LRP12: variants seen among roughly 807,000 people sequenced by gnomAD.
LRP12 encodes LDL receptor related protein 12.
LRP12 carries 14 observed loss-of-function variants against 66.0 expected under a neutral mutation model. The observed-to-expected ratio is 0.21, with a 90% confidence interval of 0.14 to 0.33. The LOEUF is 0.33. Among genes scored for constraint, LRP12 ranks in the 10% least tolerant of loss-of-function variants. LRP12 has a pLI of 1.00. For synonymous variants in LRP12, 357 were observed against 359.1 expected, an observed-to-expected ratio of 0.99 and a Z score of 0.07; for missense variants, 889 against 1,053.4, an observed-to-expected ratio of 0.84 and a Z score of 2.16.
chr8:104,515,940 G>T (rs1205728619), intron 2 of LRP12, among the ~76,000 whole-genome samples: 1 of 151,930 alleles, frequency 6.6e-6, no homozygotes, highest in African/African-American at 2.4e-5. Context: ...TTTTTATAAA[G>T]ATGGGGTCTC....
At chr8:104,536,732 G>A (rs1811397308) in intron 1 of LRP12, among the ~76,000 whole-genome samples, 1 of 151,872 alleles carries the variant, frequency 6.6e-6, no homozygotes, top group Non-Finnish European at 1.5e-5. Context: ...ATTAGACAGT[G>A]CGATTAGACA....
chr8:104,558,552 A>G (rs984282922), intron 1 of LRP12, among the ~76,000 whole-genome samples: 3 of 152,194 alleles, frequency 2.0e-5, no homozygotes, highest in African/African-American at 4.8e-5. Flanking sequence ...TTAGGCAAAG[A>G]CTTCATGGCA....
rs544585498 is a variant in LRP12, at chr8:104,495,130, C to A, written c.1660G>T (p.Ala554Ser). The A allele has an allele frequency of 4.0e-5, 64 of 1,613,824 alleles. No homozygotes were observed. The Middle Eastern group carries it at 1.5e-3, about 37-fold the overall frequency. Residue 554 changes from alanine (A) to serine (S), a missense_variant, in exon 6 of 7, where the codon GCT becomes TCT. Physicochemically the swap from Ala to Ser is moderately conservative, Grantham distance 99. Coordinates refer to ENST00000276654, the MANE Select transcript of LRP12 (RefSeq NM_013437.5). ...TCAACTGGTGGAATTAAACCCTGAG[C>A]AATCAATTGTCCATACGAGGGAGGA... ...EAPPSYGQLIAQGLIPPVEDF... is the reference protein window; with the variant it reads ...EAPPSYGQLISQGLIPPVEDF...
chr8:104,545,093 G>A (rs1811534793), intron 1 of LRP12, among the ~76,000 whole-genome samples: 1 of 152,172 alleles, frequency 6.6e-6, no homozygotes, highest in Non-Finnish European at 1.5e-5. Context: ...CCTCATGTAT[G>A]ACCTCTGAGG....
intron 1 of LRP12, among the ~76,000 whole-genome samples, chr8:104,578,554 T>C (rs1370539110): frequency 6.6e-6 from 1 of 152,136 alleles, no homozygotes; most frequent in African/African-American, 2.4e-5. Flanking sequence ...AGCATCATCC[T>C]GATACCAAAA....
intron 1 of LRP12, among the ~76,000 whole-genome samples, chr8:104,566,727 TAG>T (rs1236976200): frequency 6.6e-6 from 1 of 152,164 alleles, no homozygotes; most frequent in Non-Finnish European, 1.5e-5. Context: ...AATCAAAAAG[TAG>T]AGTTTCCTTA....
intron 2 of LRP12, among the ~76,000 whole-genome samples, chr8:104,517,196 A>AGAT (rs1811082403): frequency 6.7e-6 from 1 of 150,312 alleles, no homozygotes; most frequent in Non-Finnish European, 1.5e-5. Flanking sequence ...ACAGCATACC[A>AGAT]GATAATACAG....
intron 1 of LRP12, among the ~76,000 whole-genome samples, chr8:104,537,268 C>G (rs191876154): frequency 6.6e-6 from 1 of 152,044 alleles, no homozygotes; most frequent in East Asian, 1.9e-4. Context: ...TAGAGGGGCT[C>G]AGGCAACAGA....
chr8:104,546,310 C>A (rs1280832447), intron 1 of LRP12, among the ~76,000 whole-genome samples: 1 of 152,012 alleles, frequency 6.6e-6, no homozygotes, highest in African/African-American at 2.4e-5. Context: ...TAAGTGCGAA[C>A]AAATATGTCC....
intron 1 of LRP12, among the ~76,000 whole-genome samples, chr8:104,574,755 G>A (rs111262731): frequency 1.8e-4 from 28 of 152,186 alleles, no homozygotes; most frequent in Admixed American, 6.5e-4. Context: ...TACTGATCAC[G>A]TGTTGAAATG....
At position 104,588,888 on chromosome 8, in the gene LRP12, G is replaced by T. The variant is rs1263543272; in HGVS notation, c.10C>A (p.Arg4Ser). 6.2e-7 allele frequency: 1 copy of T among 1,609,616 alleles called. No homozygotes were observed. Among genetic ancestry groups the T allele is most frequent in the East Asian group, 2.2e-5 (1 of 44,660 alleles). The change falls in exon 1 of 7, where the codon CGC (arginine) becomes AGC (serine). Residue 4 changes from arginine to serine, a missense_variant. Transcript: ENST00000276654. MAC[R>S]WSTKESPRWR... is the part of the protein sequence containing the mutation. ...CGCGGAGACTCTTTTGTGCTCCAGC[G>T]ACAGGCCATAACCACAGCAGATGGA...
Position 104,491,589 on chromosome 8 carries a change from A to AT in LRP12, c.1714-51dup, listed in dbSNP as rs775869755. The AT allele has an allele frequency of 9.0e-5, 93 of 1,037,882 alleles. 1 individual carries two copies. In the Admixed American group the frequency reaches 1.7e-3, roughly 19 times the overall value. The allele number at this position is 1,037,882 out of a possible 1,614,324, so 64.3% of individuals were successfully genotyped here. A position where few individuals can be genotyped will look rare whatever the true frequency, so the allele number is the denominator to read the frequency against. The stretch of plus-strand genomic sequence containing the variant: ...AGATAGTTAACAACAAGGTACTAAG[A>AT]TAAAAAAAAAAAAAAACACCCTTCT... On this transcript the variant is annotated intron_variant, in intron 6 of 6. Transcript: ENST00000276654.
intron 1 of LRP12, among the ~76,000 whole-genome samples, chr8:104,555,381 T>G (rs1413390106): frequency 6.6e-6 from 1 of 152,072 alleles, no homozygotes; most frequent in African/African-American, 2.4e-5. Context: ...AATGCCAGAA[T>G]AGATAAGAAT....
intron 1 of LRP12, among the ~76,000 whole-genome samples, chr8:104,576,561 A>G (rs1380128371): frequency 6.6e-6 from 1 of 152,214 alleles, no homozygotes; most frequent in African/African-American, 2.4e-5. Flanking sequence ...GCGAATGCTG[A>G]AGGAATTCGT....
chr8:104,547,469 A>G (rs1811596169), intron 1 of LRP12, among the ~76,000 whole-genome samples: 2 of 134,494 alleles, frequency 1.5e-5, no homozygotes, highest in Admixed American at 8.1e-5. Flanking sequence ...ATTCTGTTAT[A>G]TTTTGTATAC....
At chr8:104,530,975 G>C (rs924081562) in intron 2 of LRP12, among the ~76,000 whole-genome samples, 5 of 152,106 alleles carry the variant, frequency 3.3e-5, no homozygotes, top group African/African-American at 1.2e-4. Flanking sequence ...TAGGCTTGTT[G>C]GGCTTGATGT....
intron 1 of LRP12, among the ~76,000 whole-genome samples, chr8:104,586,166 CATT>C (rs1336075740): frequency 6.6e-6 from 1 of 152,134 alleles, no homozygotes; most frequent in African/African-American, 2.4e-5. Context: ...TTCTAGAAAA[CATT>C]ATATTCTAGA....
rs561466459 is a variant in LRP12 at position 104,537,542 on chromosome 8, A to C, written c.80-5579T>G. ...TTGATAAACACATGGGTATTACCAG[A>C]CCAGGAAGTCCACCCACACCTTAGG... On this transcript the variant is annotated intron_variant, in intron 1 of 6. Coordinates refer to ENST00000276654, the MANE Select transcript of LRP12 (RefSeq NM_013437.5). 1.3e-4 allele frequency among the ~76,000 whole-genome samples: 20 copies of C among 152,234 alleles called. No individual in the cohort carries two copies. The South Asian group carries it at 1.7e-3, about 13-fold the overall frequency.
At chr8:104,580,168 G>C (rs892232733) in intron 1 of LRP12, among the ~76,000 whole-genome samples, 2 of 152,074 alleles carry the variant, frequency 1.3e-5, no homozygotes, top group Admixed American at 1.3e-4. Context: ...GAAAATTTTT[G>C]CAAACTACGC....
Sources: gnomAD v4.1 joint callset for allele counts (sites outside exome capture counted in the v4.1 genomes callset) on GRCh38, gnomAD v4.1.1 for gene constraint, MANE v1.5 for transcripts, NCBI Gene and HGNC (gene_info 2026-07-23, HGNC 2026-07-21) for gene names.